ARHGEF3: variants seen among roughly 807,000 people sequenced by gnomAD.
ARHGEF3 encodes 59.8 kDA protein.
ARHGEF3 carries 28 observed loss-of-function variants against 63.2 expected under a neutral mutation model. The observed-to-expected ratio is 0.44, with a 90% confidence interval of 0.33 to 0.61. The LOEUF (loss-of-function observed/expected upper bound fraction) is 0.61. Among genes scored for constraint, ARHGEF3 ranks in the 20% least tolerant of loss-of-function variants. The pLI is 0.03. For synonymous variants in ARHGEF3, 266 were observed against 254.2 expected (o/e 1.05, Z -0.44); for missense variants, 533 against 659.3 (o/e 0.81, Z 2.10).
At chr3:57,007,277 C>G in intron 2 of ARHGEF3, 6 of 1,289,782 alleles carry the variant, frequency 4.7e-6, no homozygotes, top group Non-Finnish European at 6.1e-6. Context: ...TCTCAATAGC[C>G]TGAAAAACCA....
At chr3:56,750,796 A>C (rs890836009) in intron 6 of ARHGEF3, among the ~76,000 whole-genome samples, 2 of 151,472 alleles carry the variant, frequency 1.3e-5, no homozygotes, top group African/African-American at 4.8e-5. Flanking sequence ...TAATAGTTTC[A>C]TGTGTACCTT....
intron 2 of ARHGEF3, among the ~76,000 whole-genome samples, chr3:56,761,200 G>A (rs1032799875): frequency 3.3e-5 from 5 of 152,174 alleles, no homozygotes; most frequent in Non-Finnish European, 7.3e-5. Context: ...GTATGGTCTG[G>A]GGACAGCACA....
At chr3:56,919,934 A>T (rs1578845026) in intron 3 of ARHGEF3, among the ~76,000 whole-genome samples, 2 of 152,350 alleles carry the variant, frequency 1.3e-5, no homozygotes, top group East Asian at 3.9e-4. Flanking sequence ...TACAGCCCTC[A>T]GAAGACACAG....
intron 3 of ARHGEF3, among the ~76,000 whole-genome samples, chr3:56,915,486 CAAAT>C (rs1033543183): frequency 3.3e-5 from 5 of 151,972 alleles, no homozygotes; most frequent in Admixed American, 2.0e-4. Context: ...AACAAACAAA[CAAAT>C]AAAGAACAGT....
At chr3:56,897,829 T>C (rs147092872) in intron 3 of ARHGEF3, among the ~76,000 whole-genome samples, 1 of 152,290 alleles carries the variant, frequency 6.6e-6, no homozygotes, top group East Asian at 1.9e-4. Flanking sequence ...CCTCCCAAAG[T>C]GTTGGGATTA....
At chr3:56,810,933 C>A (rs2038041971) in intron 4 of ARHGEF3, among the ~76,000 whole-genome samples, 1 of 152,188 alleles carries the variant, frequency 6.6e-6, no homozygotes, top group African/African-American at 2.4e-5. Context: ...GATCCCCCAG[C>A]CACAGGCTAG....
intron 2 of ARHGEF3, among the ~76,000 whole-genome samples, chr3:57,020,430 C>T (rs112917648): frequency 0.013 from 2,024 of 152,258 alleles, 49 homozygotes; most frequent in African/African-American, 0.046. Context: ...ACCTGGCCTT[C>T]CCATTGGGGG....
chr3:56,947,306 T>G (rs1400479116), intron 3 of ARHGEF3, among the ~76,000 whole-genome samples: 1 of 152,202 alleles, frequency 6.6e-6, no homozygotes, highest in Non-Finnish European at 1.5e-5. Context: ...ATGGGCTAAA[T>G]GCTCCAATTA....
chr3:57,055,759 G>A (rs768192150), intron 1 of ARHGEF3, among the ~76,000 whole-genome samples: 1 of 152,136 alleles, frequency 6.6e-6, no homozygotes, highest in Non-Finnish European at 1.5e-5. Flanking sequence ...TCCTCCAGAA[G>A]CCTCTGATTC....
intron 3 of ARHGEF3, among the ~76,000 whole-genome samples, chr3:56,891,868 A>T (rs552308817): frequency 6.6e-5 from 10 of 152,268 alleles, no homozygotes; most frequent in Non-Finnish European, 1.2e-4. Context: ...AAATACTTAA[A>T]ATGTCTAAAA....
chr3:57,078,229 C>T (rs1706302660), intron 1 of ARHGEF3, among the ~76,000 whole-genome samples: 1 of 152,180 alleles, frequency 6.6e-6, no homozygotes, highest in Non-Finnish European at 1.5e-5. Flanking sequence ...AGCAAAGCTC[C>T]CCTTCTCCAC....
At chr3:56,980,236 C>G (rs1701275195) in intron 2 of ARHGEF3, among the ~76,000 whole-genome samples, 2 of 152,188 alleles carry the variant, frequency 1.3e-5, no homozygotes, top group Non-Finnish European at 2.9e-5. Context: ...GGATTTGGCA[C>G]CTTAATGCAT....
intron 2 of ARHGEF3, among the ~76,000 whole-genome samples, chr3:56,962,305 T>C (rs1700313959): frequency 6.6e-6 from 1 of 152,196 alleles, no homozygotes; most frequent in South Asian, 2.1e-4. Context: ...ATTTCTTCTA[T>C]TGTAGAAGCA....
At chr3:56,754,847 G>C (rs2034972321) in intron 3 of ARHGEF3, 134 bp downstream of exon 3, 1 of 1,209,794 alleles carries the variant, frequency 8.3e-7, no homozygotes, top group African/African-American at 1.5e-5. Flanking sequence ...CCCAAGGTCA[G>C]ACACTCTTGT....
Position 56,728,737 on chromosome 3 carries a change from G to A in ARHGEF3, c.*533C>T, listed in dbSNP as rs114480700. On this transcript the variant is annotated 3_prime_UTR_variant, in exon 10 of 10. Transcript: ENST00000296315. The stretch of plus-strand genomic sequence containing the variant: ...TTAAGCCTTCAGAATCCCCAGGGAT[G>A]TTTTCAAGCTTTCTAGTTGAGTAAG... 1,269 of 153,370 alleles carry A rather than the reference G, an allele frequency of 8.3e-3. 25 individuals are homozygous for A. Among genetic ancestry groups the A allele is most frequent in the African/African-American group, 0.028 (1,175 of 41,582 alleles). 9.5% of individuals were successfully genotyped at this position (153,370 alleles called of 1,614,324 possible). A position where few individuals can be genotyped will look rare whatever the true frequency, so the allele number is the denominator to read the frequency against.
intron 2 of ARHGEF3, among the ~76,000 whole-genome samples, chr3:56,983,372 G>C (rs986729163): frequency 6.6e-6 from 1 of 152,084 alleles, no homozygotes; most frequent in African/African-American, 2.4e-5. Context: ...TCCCCACTGT[G>C]ACCCCTGCCC....
chr3:57,068,913 G>T (rs939926581), intron 1 of ARHGEF3, among the ~76,000 whole-genome samples: 8 of 149,606 alleles, frequency 5.3e-5, no homozygotes, highest in Non-Finnish European at 1.2e-4. Context: ...TAAGGCAAAA[G>T]ATCTGATTTT....
At chr3:56,988,183 C>T (rs548346850) in intron 2 of ARHGEF3, among the ~76,000 whole-genome samples, 24 of 152,268 alleles carry the variant, frequency 1.6e-4, no homozygotes, top group Admixed American at 4.6e-4. Flanking sequence ...CTCACTCTGT[C>T]GCCCAGGCAG....
intron 1 of ARHGEF3, among the ~76,000 whole-genome samples, chr3:57,054,083 G>A (rs922656699): frequency 6.6e-6 from 1 of 152,164 alleles, no homozygotes; most frequent in African/African-American, 2.4e-5. Context: ...TTATCAAAAT[G>A]ATTTTCCAAA....
Sources: allele counts gnomAD v4.1 joint callset (sites outside exome capture counted in the v4.1 genomes callset), GRCh38; gene constraint gnomAD v4.1.1; transcripts MANE v1.5; gene names NCBI Gene and HGNC (gene_info 2026-07-23, HGNC 2026-07-21).